Variants in FMN1 observed in about 807,000 individuals in gnomAD.
FMN1 encodes the protein formin 1.
FMN1 carries 110 observed loss-of-function variants against 132.4 expected under a neutral mutation model. The observed-to-expected ratio is 0.83, with a 90% CI of 0.71 to 0.97. The LOEUF (loss-of-function observed/expected upper bound fraction) is 0.97, where lower values mean the gene tolerates loss of function less well. Ranked by LOEUF, FMN1 falls within the 50% of genes least tolerant of loss-of-function variation. The pLI, the probability that FMN1 is intolerant of heterozygous loss-of-function variation, is 0.00. For synonymous variants in FMN1, 722 were observed against 651.7 expected, an observed-to-expected ratio of 1.11 and a Z score of -1.64; for missense variants, 1,792 against 1,705.3, an observed-to-expected ratio of 1.05 and a Z score of -0.90.
Position 33,082,020 on chromosome 15 carries a change from G to GGGGT in FMN1, c.2043+6778_2043+6779insACCC, listed in dbSNP as rs1355703560. 7.6e-3 allele frequency among the ~76,000 whole-genome samples: 890 copies of GGGGT among 117,808 alleles called. 12 individuals are homozygous for GGGGT. The highest frequency in any genetic ancestry group is 0.028 in the African/African-American group (822 of 29,420). 77.3% of individuals were successfully genotyped at this position (117,808 alleles called of 152,430 possible). ...CCAGAATCAACAAGAAGAGTTCAGG[G>GGGGT]GTGTGTGTGTGTGTGTGTGTGTGTG... On this transcript the variant is annotated intron_variant, in intron 5 of 20. Coordinates refer to ENST00000616417, the MANE Select transcript of FMN1 (RefSeq NM_001277313.2).
At chr15:32,988,830 T>C (rs2033250626) in intron 7 of FMN1, among the ~76,000 whole-genome samples, 1 of 152,144 alleles carries the variant, frequency 6.6e-6, no homozygotes, top group Admixed American at 6.5e-5. Flanking sequence ...TTTTACCCTT[T>C]AGCTCCCCAT....
intron 8 of FMN1, among the ~76,000 whole-genome samples, chr15:32,966,042 T>G (rs547923612): frequency 3.5e-4 from 54 of 152,178 alleles, no homozygotes; most frequent in Middle Eastern, 3.4e-3. Flanking sequence ...GGAGTGAGCA[T>G]GCGGCATGTT....
chr15:32,857,302 T>C (rs2059156106), intron 16 of FMN1, among the ~76,000 whole-genome samples, 195 bp from the exon 17 acceptor site: 1 of 152,120 alleles, frequency 6.6e-6, no homozygotes, highest in Non-Finnish European at 1.5e-5. Flanking sequence ...AAATAATTAG[T>C]TCATTCTACA....
intron 16 of FMN1, among the ~76,000 whole-genome samples, chr15:32,858,620 C>G (rs953488139): frequency 1.3e-5 from 2 of 152,170 alleles, no homozygotes; most frequent in Non-Finnish European, 2.9e-5. Context: ...TTCTGACAAC[C>G]ATTCCAAGGC....
At chr15:32,905,468 T>G (rs1394227638) in intron 12 of FMN1, among the ~76,000 whole-genome samples, 1 of 152,180 alleles carries the variant, frequency 6.6e-6, no homozygotes, top group Non-Finnish European at 1.5e-5. Context: ...ATGAGAAGTG[T>G]GTACCAGGCC....
At chr15:32,913,939 C>G (rs2060623015) in intron 10 of FMN1, among the ~76,000 whole-genome samples, 1 of 152,084 alleles carries the variant, frequency 6.6e-6, no homozygotes, top group South Asian at 2.1e-4. Context: ...AACCAGAGAG[C>G]CTCTAAAGGG....
At chr15:32,838,478 G>GA (rs11430539) in intron 17 of FMN1, among the ~76,000 whole-genome samples, 145,688 of 152,190 alleles carry the variant, frequency 0.96, 70,013 homozygotes, top group Non-Finnish European at 1. Context: ...CAGGCGCAGT[G>GA]AATGCTCAAG....
At chr15:33,007,083 T>A (rs1209467334) in intron 7 of FMN1, among the ~76,000 whole-genome samples, 1 of 152,196 alleles carries the variant, frequency 6.6e-6, no homozygotes. Flanking sequence ...ATGATAAATA[T>A]GTGAGGCAAT....
At chr15:33,022,176 C>T (rs2035447793) in intron 6 of FMN1, among the ~76,000 whole-genome samples, 1 of 152,192 alleles carries the variant, frequency 6.6e-6, no homozygotes, top group African/African-American at 2.4e-5. Context: ...TATGTAAATA[C>T]TTATCTTTTT....
At chr15:33,127,913 G>A (rs941499089) in intron 4 of FMN1, among the ~76,000 whole-genome samples, 2 of 146,190 alleles carry the variant, frequency 1.4e-5, no homozygotes, top group East Asian at 2.3e-4. Context: ...AACAAATGGA[G>A]ACAGATGGAA....
intron 3 of FMN1, among the ~76,000 whole-genome samples, chr15:33,164,604 C>T (rs932306574): frequency 6.6e-6 from 1 of 152,136 alleles, no homozygotes; most frequent in African/African-American, 2.4e-5. Flanking sequence ...TTGCCTCTCC[C>T]TTACCTTTTC....
At chr15:33,071,821 C>T (rs1013775265) in intron 5 of FMN1, among the ~76,000 whole-genome samples, 1 of 152,206 alleles carries the variant, frequency 6.6e-6, no homozygotes, top group Non-Finnish European at 1.5e-5. Flanking sequence ...AAGCAACCTA[C>T]AAATTCAATC....
intron 9 of FMN1, among the ~76,000 whole-genome samples, chr15:32,957,298 CTTTTTTTTTTTTTT>C (rs869111673): frequency 7.1e-5 from 6 of 84,178 alleles, no homozygotes; most frequent in South Asian, 5.0e-4. Context: ...CAGAGCAGTT[CTTTTTTTTTTTTTT>C]TTTTTTTTTT....
chr15:32,989,674 G>A (rs887002040), intron 7 of FMN1, among the ~76,000 whole-genome samples: 1 of 152,016 alleles, frequency 6.6e-6, no homozygotes, highest in African/African-American at 2.4e-5. Context: ...TTTAAGAGAC[G>A]GGCAACAACC....
rs16966169 is a variant in FMN1 at position 33,171,860 on chromosome 15, G to A, written c.-132+8338C>T. Among the ~76,000 whole-genome samples, 984 of 152,224 alleles carry A rather than the reference G, an allele frequency of 6.5e-3. 11 individuals are homozygous for A. The highest frequency in any genetic ancestry group is 0.023 in the African/African-American group (940 of 41,532). On this transcript the variant is annotated intron_variant, in intron 3 of 20. Transcript: ENST00000616417. ...CAACTGTGTGTACATATCACTAAAC[G>A]CCATTATAATGTACAGCCATGAATA...
At chr15:32,995,307 G>T (rs1302426733) in intron 7 of FMN1, among the ~76,000 whole-genome samples, 1 of 152,092 alleles carries the variant, frequency 6.6e-6, no homozygotes, top group Non-Finnish European at 1.5e-5. Context: ...AAGAATCTTA[G>T]TTGAGATCTG....
Position 32,888,231 on chromosome 15 carries a change from G to A in FMN1, c.3776C>T (p.Ser1259Phe), listed in dbSNP as rs1198155837. The change falls in exon 16 of 21, where the codon TCC (serine) becomes TTC (phenylalanine). Residue 1259 changes from serine to phenylalanine, a missense_variant. Coordinates refer to ENST00000616417, the MANE Select transcript of FMN1 (RefSeq NM_001277313.2). ...TATGAGGTCTTCAAACTTGACTTGG[G>A]AGGCCAGAAAGAAATCCTGTGGTTC... is the stretch of plus-strand genomic sequence containing the variant. The part of the protein sequence containing the change: ...LPEPQDFFLA[S>F]QVKFEDLIKD... 6 of 1,612,950 alleles carry A rather than the reference G, an allele frequency of 3.7e-6. No homozygotes were observed. The Admixed American group carries it at 6.7e-5, about 18-fold the overall frequency.
At chr15:32,872,359 T>A (rs1466772959) in intron 16 of FMN1, among the ~76,000 whole-genome samples, 1 of 152,220 alleles carries the variant, frequency 6.6e-6, no homozygotes, top group Admixed American at 6.5e-5. Flanking sequence ...GTATCATTAG[T>A]GCAAGACAAT....
chr15:33,017,780 A>G (rs186473736), intron 6 of FMN1, among the ~76,000 whole-genome samples: 2 of 152,354 alleles, frequency 1.3e-5, no homozygotes, highest in East Asian at 3.9e-4. Context: ...AATCCATATG[A>G]TGGGCTGGGT....
Sources: allele counts gnomAD v4.1 joint callset (sites outside exome capture counted in the v4.1 genomes callset), GRCh38; gene constraint gnomAD v4.1.1; transcripts MANE v1.5; gene names NCBI Gene and HGNC (gene_info 2026-07-23, HGNC 2026-07-21).